NRK: variants seen among roughly 807,000 people sequenced by gnomAD.
The protein encoded by NRK is Nik related kinase, also known as nik-related protein kinase.
A neutral mutation model predicts 125.2 loss-of-function variants in NRK; 67 were observed. The observed-to-expected ratio is 0.54, with a 90% CI of 0.44 to 0.66. The LOEUF is 0.66. Among genes scored for constraint, NRK ranks in the 30% least tolerant of loss-of-function variants. NRK has a pLI of 0.00. For synonymous variants in NRK, 458 were observed against 429.0 expected, an observed-to-expected ratio of 1.07 and a Z score of -0.84; for missense variants, 1,224 against 1,192.9, an observed-to-expected ratio of 1.03 and a Z score of -0.38.
intron 2 of NRK, among the ~76,000 whole-genome samples, chrX:105,833,266 G>A (rs2039218514): frequency 9.0e-6 from 1 of 110,995 alleles, no homozygotes; most frequent in African/African-American, 3.3e-5. Context: ...ATATTGCTTA[G>A]GCTACCTCAA....
rs375901517 is a variant in NRK at position 105,834,647 on chromosome X, G to T, written c.123+3528G>T. 3.6e-5 allele frequency among the ~76,000 whole-genome samples: 4 copies of T among 110,403 alleles called. No homozygotes were observed. In the East Asian group the frequency reaches 8.6e-4, roughly 24 times the overall value. On this transcript the variant is annotated intron_variant, in intron 2 of 28. Transcript: ENST00000243300. ...CTTTTGGAAATCCAATTTCATATGT[G>T]TTAGGCCTTTTGATATTATCCCTCA...
At chrX:105,830,757 T>C (rs755301741) in intron 1 of NRK, among the ~76,000 whole-genome samples, 17 of 105,766 alleles carry the variant, frequency 1.6e-4, no homozygotes, top group African/African-American at 5.9e-4. Flanking sequence ...CCACATGTTT[T>C]CACTCATAGG....
At chrX:105,880,545 GT>G (rs1391179691) in intron 3 of NRK, among the ~76,000 whole-genome samples, 2 of 110,711 alleles carry the variant, frequency 1.8e-5, no homozygotes, top group Non-Finnish European at 3.8e-5. Context: ...TCTGTTTCTA[GT>G]TGACTATTTG....
intron 23 of NRK, among the ~76,000 whole-genome samples, chrX:105,940,599 C>A (rs1429871853): frequency 9.0e-6 from 1 of 111,416 alleles, no homozygotes; most frequent in Non-Finnish European, 1.9e-5. Context: ...TAATTGTTTT[C>A]CATCTGATTA....
intron 1 of NRK, among the ~76,000 whole-genome samples, chrX:105,828,997 T>G (rs2039151626): frequency 8.9e-6 from 1 of 112,172 alleles, no homozygotes; most frequent in Admixed American, 9.5e-5. Flanking sequence ...CTAACAATGC[T>G]TTTATCAATT....
chrX:105,914,732 T>G (rs1357844942), intron 14 of NRK, among the ~76,000 whole-genome samples: 10 of 108,473 alleles, frequency 9.2e-5, no homozygotes, highest in African/African-American at 3.3e-4. Context: ...GAGAGAGCCT[T>G]GATAAGCCAC....
intron 2 of NRK, among the ~76,000 whole-genome samples, chrX:105,857,924 GCTTGCTAGTATCCATCC>G (rs1348879345): frequency 1.8e-5 from 2 of 109,865 alleles, no homozygotes; most frequent in East Asian, 5.7e-4. Flanking sequence ...CTGTTTGTTT[GCTTGCTAGTATCCATCC>G]CTTGCATCCC....
intron 2 of NRK, among the ~76,000 whole-genome samples, chrX:105,874,014 C>T (rs568865657): frequency 2.7e-5 from 3 of 112,094 alleles, no homozygotes; most frequent in Admixed American, 9.5e-5. Context: ...TTGATAACTA[C>T]GCTTTAATGC....
At chrX:105,897,832 C>G (rs1355028161) in intron 7 of NRK, among the ~76,000 whole-genome samples, 1 of 111,766 alleles carries the variant, frequency 8.9e-6, no homozygotes, top group African/African-American at 3.2e-5. Context: ...CCCTAAATTC[C>G]TGAAGCTTCT....
intron 2 of NRK, among the ~76,000 whole-genome samples, chrX:105,841,850 A>T (rs1286701756): frequency 9.0e-6 from 1 of 111,592 alleles, no homozygotes; most frequent in African/African-American, 3.3e-5. Context: ...GATAACATTT[A>T]CTGAGTGCTT....
intron 5 of NRK, among the ~76,000 whole-genome samples, chrX:105,888,798 T>C (rs1211207214): frequency 9.0e-6 from 1 of 110,733 alleles, no homozygotes; most frequent in African/African-American, 3.3e-5. Flanking sequence ...CTCGTGAACT[T>C]ATTCACTGCC....
intron 1 of NRK, among the ~76,000 whole-genome samples, chrX:105,829,070 G>C (rs2039152621): frequency 8.9e-6 from 1 of 111,755 alleles, no homozygotes; most frequent in Admixed American, 9.5e-5. Flanking sequence ...TAGAATTTTA[G>C]AGCTGGGAGA....
At chrX:105,946,150 G>A (rs896283472) in intron 25 of NRK, 135 bp downstream of exon 25, 6 of 795,978 alleles carry the variant, frequency 7.5e-6, no homozygotes, top group Non-Finnish European at 1.1e-5. Flanking sequence ...GTAATAACAG[G>A]TCTAAGAAAA....
intron 18 of NRK, 37 bp from the exon 19 acceptor site, chrX:105,924,658 G>A: frequency 9.1e-7 from 1 of 1,100,607 alleles, no homozygotes; most frequent in Non-Finnish European, 1.2e-6. Flanking sequence ...TGTTTTTATT[G>A]CGTGACTTTC....
chrX:105,893,870 T>G lies in NRK; in HGVS notation c.417T>G (p.Asp139Glu). ...TATGTGCAGCAGGTTCGGTCACTGA[T>G]GTAGTGAGAATGACCAGTAATCAGA... is the stretch of plus-strand genomic sequence containing the variant. ...MELCAAGSVT[D>E]VVRMTSNQSL... Residue 139 changes from aspartate (D) to glutamate (E), a missense_variant, in exon 6 of 29, where the codon GAT becomes GAG. Transcript: ENST00000243300. 1 of 1,201,176 alleles carries G rather than the reference T, an allele frequency of 8.3e-7. No homozygotes were observed. The highest frequency in any genetic ancestry group is 1.1e-6 in the Non-Finnish European group (1 of 886,052).
intron 2 of NRK, among the ~76,000 whole-genome samples, chrX:105,862,543 G>A (rs1461656543): frequency 1.8e-5 from 2 of 112,056 alleles, no homozygotes; most frequent in African/African-American, 6.5e-5. Flanking sequence ...ACATTTTCAG[G>A]TCTCTGAAGT....
At chrX:105,826,573 T>A (rs1352095710) in intron 1 of NRK, among the ~76,000 whole-genome samples, 2 of 105,964 alleles carry the variant, frequency 1.9e-5, no homozygotes, top group Admixed American at 1.1e-4. Flanking sequence ...TGTGCAGTCC[T>A]AATCTATATT....
intron 9 of NRK, 122 bp downstream of exon 9, chrX:105,900,794 C>T (rs2040147833): frequency 2.2e-6 from 1 of 452,490 alleles, no homozygotes; most frequent in African/African-American, 2.4e-5. Flanking sequence ...TCACTGGCCA[C>T]ACAGGTGTCA....
chrX:105,857,018 G>T (rs189513342), intron 2 of NRK, among the ~76,000 whole-genome samples: 2 of 111,299 alleles, frequency 1.8e-5, no homozygotes, highest in East Asian at 5.7e-4. Flanking sequence ...TACATAATAA[G>T]TCATCCACAA....
Sources: gnomAD v4.1 joint callset for allele counts (sites outside exome capture counted in the v4.1 genomes callset) on GRCh38, gnomAD v4.1.1 for gene constraint, MANE v1.5 for transcripts, NCBI Gene and HGNC (gene_info 2026-07-23, HGNC 2026-07-21) for gene names.